ERBIN: variants seen among roughly 807,000 people sequenced by gnomAD.
ERBIN encodes the protein erbb2 interacting protein, also known as densin-180-like protein.
In ERBIN, 60 loss-of-function variants were observed where a neutral mutation model predicts 158.4. The observed-to-expected ratio is 0.38, with a 90% confidence interval of 0.31 to 0.47. The LOEUF is 0.47. ERBIN is among the 20% of genes least tolerant of loss of function. The pLI, the probability that ERBIN is intolerant of heterozygous loss-of-function variation, is 0.99. For missense variants in ERBIN, 1,610 were observed against 1,648.0 expected, an observed-to-expected ratio of 0.98 and a Z score of 0.40; for synonymous variants, 594 against 557.2, an observed-to-expected ratio of 1.07 and a Z score of -0.93.
intron 21 of ERBIN, among the ~76,000 whole-genome samples, chr5:66,066,769 AC>A (rs1367215338): frequency 6.6e-6 from 1 of 152,264 alleles, no homozygotes; most frequent in African/African-American, 2.4e-5. Flanking sequence ...TCGTTATTAT[AC>A]AACTATCAGT....
intron 17 of ERBIN, among the ~76,000 whole-genome samples, chr5:66,045,515 T>C (rs1312896144): frequency 1.3e-5 from 2 of 150,798 alleles, no homozygotes; most frequent in Non-Finnish European, 2.9e-5. Context: ...AGCTATACTG[T>C]CTAGGTTTGT....
intron 4 of ERBIN, among the ~76,000 whole-genome samples, chr5:65,999,958 C>A (rs561634307): frequency 1.1e-4 from 17 of 152,078 alleles, no homozygotes; most frequent in Non-Finnish European, 2.5e-4. Flanking sequence ...ATCATATCTA[C>A]CTTTTCATCC....
At chr5:66,036,187 G>A (rs1441271896) in intron 14 of ERBIN, among the ~76,000 whole-genome samples, 1 of 152,136 alleles carries the variant, frequency 6.6e-6, no homozygotes, top group African/African-American at 2.4e-5. Flanking sequence ...AGACTGTTGA[G>A]GTAGCTTCCT....
intron 4 of ERBIN, among the ~76,000 whole-genome samples, chr5:65,997,100 G>C (rs1752521069): frequency 6.6e-6 from 1 of 152,034 alleles, no homozygotes; most frequent in Admixed American, 6.6e-5. Flanking sequence ...TTCTAATTTG[G>C]AATCCTTTTA....
chr5:66,018,480 T>TAATATAATATATATTATATATTATATAA, intron 7 of ERBIN, among the ~76,000 whole-genome samples: 1 of 5,502 alleles, frequency 1.8e-4, no homozygotes, highest in African/African-American at 8.0e-4. Flanking sequence ...ATATTATATA[T>TAATATAATATATATTATATATTATATAA]TATATATTAT....
At chr5:66,023,006 T>C in intron 8 of ERBIN, 1 of 249,222 alleles carries the variant, frequency 4.0e-6, no homozygotes, top group Non-Finnish European at 7.5e-6. Flanking sequence ...TTGCCCCTGT[T>C]GTGTAATCCA....
At chr5:65,984,378 G>A (rs750265104) in intron 1 of ERBIN, among the ~76,000 whole-genome samples, 2 of 152,200 alleles carry the variant, frequency 1.3e-5, no homozygotes, top group Non-Finnish European at 1.5e-5. Context: ...CACTGGGCCC[G>A]TTTCCCCTGC....
chr5:66,009,914 TGAA>T (rs1293889249), intron 4 of ERBIN, among the ~76,000 whole-genome samples: 24 of 152,258 alleles, frequency 1.6e-4, no homozygotes, highest in Non-Finnish European at 3.1e-4. Flanking sequence ...AGTAGAAAAC[TGAA>T]AAGACCAGGG....
intron 4 of ERBIN, among the ~76,000 whole-genome samples, chr5:65,998,609 A>T (rs559257399): frequency 6.6e-6 from 1 of 152,166 alleles, no homozygotes; most frequent in South Asian, 2.1e-4. Flanking sequence ...TATCTTAAAA[A>T]TTTTTGGCCA....
intron 1 of ERBIN, among the ~76,000 whole-genome samples, chr5:65,977,024 C>T (rs944449353): frequency 3.3e-5 from 5 of 152,228 alleles, no homozygotes; most frequent in Non-Finnish European, 7.3e-5. Flanking sequence ...TCTCAATGAG[C>T]TGTTGGGTAC....
intron 1 of ERBIN, among the ~76,000 whole-genome samples, chr5:65,940,425 AGCCCCCCGCCCGGCCAGCTGCCCC>A (rs1744746052): frequency 1.3e-4 from 16 of 122,782 alleles, no homozygotes; most frequent in Non-Finnish European, 2.1e-4. Flanking sequence ...TGGGGGGGTC[AGCCCCCCGCCCGGCCAGCTGCCCC>A]GTCCGGGAGG....
intron 4 of ERBIN, among the ~76,000 whole-genome samples, chr5:65,995,809 A>G (rs1305955837): frequency 6.6e-6 from 1 of 152,142 alleles, no homozygotes; most frequent in Admixed American, 6.6e-5. Context: ...TCATTCTAGC[A>G]GGTGTGAGGT....
chr5:65,932,813 T>C (rs1743604524), intron 1 of ERBIN, among the ~76,000 whole-genome samples: 1 of 152,222 alleles, frequency 6.6e-6, no homozygotes, highest in African/African-American at 2.4e-5. Context: ...TTTTATTTTT[T>C]TGAGACAGGA....
At chr5:65,948,717 C>T (rs921114440) in intron 1 of ERBIN, among the ~76,000 whole-genome samples, 2 of 144,756 alleles carry the variant, frequency 1.4e-5, no homozygotes, top group African/African-American at 2.6e-5. Flanking sequence ...AATTTCAGGA[C>T]TTTATTTCCT....
chr5:65,981,129 A>G (rs1279450341), intron 1 of ERBIN, among the ~76,000 whole-genome samples: 2 of 152,218 alleles, frequency 1.3e-5, no homozygotes, highest in Non-Finnish European at 2.9e-5. Context: ...CAGTAACAAA[A>G]TGAGGTTTGG....
chr5:65,999,390 T>A (rs1181189831), intron 4 of ERBIN, among the ~76,000 whole-genome samples: 1 of 152,112 alleles, frequency 6.6e-6, no homozygotes, highest in African/African-American at 2.4e-5. Context: ...AACAAAAGTC[T>A]TTTTGCTAAG....
Position 66,018,587 on chromosome 5 carries a change from T to A in ERBIN, c.534-2735T>A, listed in dbSNP as rs1159915937. ...ATATATTATATTATATAATATATAT[T>A]ATATAATATATATTATATATACATA... On this transcript the variant is annotated intron_variant, in intron 7 of 25. Coordinates refer to ENST00000284037, the MANE Select transcript of ERBIN (RefSeq NM_001253697.2). 3.1e-5 allele frequency among the ~76,000 whole-genome samples: 2 copies of A among 64,202 alleles called. 1 individual carries two copies. The highest frequency in any genetic ancestry group is 1.2e-4 in the African/African-American group (2 of 17,376). 42.1% of individuals were successfully genotyped at this position (64,202 alleles called of 152,430 possible). A position where few individuals can be genotyped will look rare whatever the true frequency, so the allele number is the denominator to read the frequency against.
intron 4 of ERBIN, among the ~76,000 whole-genome samples, chr5:66,003,021 C>A (rs1242407935): frequency 6.6e-6 from 1 of 152,196 alleles, no homozygotes; most frequent in East Asian, 1.9e-4. Flanking sequence ...TTGTGCCCTA[C>A]CATAGCGTAG....
chr5:66,010,709 A>G (rs145850830), intron 4 of ERBIN, among the ~76,000 whole-genome samples: 17 of 152,320 alleles, frequency 1.1e-4, no homozygotes, highest in Non-Finnish European at 2.1e-4. Flanking sequence ...TCTAATGACA[A>G]TCCTGTTAAT....
Sources: gnomAD v4.1 joint callset for allele counts (sites outside exome capture counted in the v4.1 genomes callset) on GRCh38, gnomAD v4.1.1 for gene constraint, MANE v1.5 for transcripts, NCBI Gene and HGNC (gene_info 2026-07-23, HGNC 2026-07-21) for gene names.